EXOC6B: variants seen among roughly 807,000 people sequenced by gnomAD.
EXOC6B encodes the protein exocyst complex component 6B.
A neutral mutation model predicts 113.5 loss-of-function variants in EXOC6B; 54 were observed. The observed-to-expected ratio is 0.48, with a 90% confidence interval of 0.38 to 0.60. The LOEUF (loss-of-function observed/expected upper bound fraction) is 0.60. EXOC6B is among the 20% of genes least tolerant of loss of function. EXOC6B has a pLI of 0.00. For synonymous variants in EXOC6B, 357 were observed against 339.0 expected (o/e 1.05, Z -0.58); for missense variants, 797 against 977.5 (o/e 0.82, Z 2.46).
intron 19 of EXOC6B, among the ~76,000 whole-genome samples, chr2:72,369,314 G>C (rs1296459650): frequency 6.6e-6 from 1 of 152,092 alleles, no homozygotes; most frequent in Non-Finnish European, 1.5e-5. Flanking sequence ...GGGATGTGAA[G>C]GACCTCTTCA....
chr2:72,802,965 A>G (rs977165591), intron 1 of EXOC6B, among the ~76,000 whole-genome samples: 1 of 152,200 alleles, frequency 6.6e-6, no homozygotes, highest in Non-Finnish European at 1.5e-5. Context: ...CTCCGGTTTG[A>G]AAAACACTTC....
At chr2:72,552,484 T>C (rs984500490) in intron 8 of EXOC6B, among the ~76,000 whole-genome samples, 78 of 151,992 alleles carry the variant, frequency 5.1e-4, no homozygotes, top group African/African-American at 1.6e-3. Flanking sequence ...TTTCATAAAA[T>C]AGAAAAAAGG....
At chr2:72,811,737 T>C (rs1006970687) in intron 1 of EXOC6B, among the ~76,000 whole-genome samples, 9 of 152,192 alleles carry the variant, frequency 5.9e-5, no homozygotes, top group African/African-American at 2.2e-4. Context: ...GTAGGGTTTA[T>C]TCCAAAGAGG....
intron 1 of EXOC6B, among the ~76,000 whole-genome samples, chr2:72,821,092 A>C (rs1686556377): frequency 6.6e-6 from 1 of 152,164 alleles, no homozygotes. Flanking sequence ...AGTATTACAA[A>C]TCATATATCT....
At chr2:72,768,583 G>A (rs1683237193) in intron 1 of EXOC6B, among the ~76,000 whole-genome samples, 1 of 150,788 alleles carries the variant, frequency 6.6e-6, no homozygotes, top group Non-Finnish European at 1.5e-5. Context: ...GGGATTAGAG[G>A]CGTGAGACAC....
Position 72,502,337 on chromosome 2 carries a change from C to G in EXOC6B, c.1168-2365G>C, listed in dbSNP as rs185809178. Among the ~76,000 whole-genome samples the G allele has an allele frequency of 2.9e-3, 435 of 152,246 alleles. 2 individuals carry two copies. Among genetic ancestry groups the G allele is most frequent in the African/African-American group, 0.01 (423 of 41,546 alleles). On this transcript the variant is annotated intron_variant, in intron 11 of 21. Coordinates refer to ENST00000272427, the MANE Select transcript of EXOC6B (RefSeq NM_015189.3). Reference sequence around the variant, plus strand: ...CCAAGGCCAGCAGATCACCTGAGGTCAGAAACTCTGGGCCAGCCTGGCCAT... The same window carrying G: ...CCAAGGCCAGCAGATCACCTGAGGTGAGAAACTCTGGGCCAGCCTGGCCAT...
chr2:72,350,685 A>C (rs1689602023), intron 19 of EXOC6B, among the ~76,000 whole-genome samples: 1 of 152,216 alleles, frequency 6.6e-6, no homozygotes, highest in Admixed American at 6.5e-5. Flanking sequence ...ATTTGACTTC[A>C]GACACAACAG....
At chr2:72,272,262 G>C (rs1290928714) in intron 20 of EXOC6B, among the ~76,000 whole-genome samples, 2 of 152,114 alleles carry the variant, frequency 1.3e-5, no homozygotes, top group Non-Finnish European at 2.9e-5. Context: ...TTTCTAATTT[G>C]CAAAGATGTA....
rs149193701 is a variant in EXOC6B, at chr2:72,657,764, A to G, written c.669+60339T>C. On this transcript the variant is annotated intron_variant, in intron 6 of 21. Transcript: ENST00000272427. Reference sequence around the variant, plus strand: ...TTAGAGAATCTACCATAAGAAATTCACATAAGAGAAAAATAAAGCACTCGA... The same window carrying G: ...TTAGAGAATCTACCATAAGAAATTCGCATAAGAGAAAAATAAAGCACTCGA... Among the ~76,000 whole-genome samples the G allele has an allele frequency of 9.9e-3, 1,491 of 150,354 alleles. 38 individuals carry two copies. Among genetic ancestry groups the G allele is most frequent in the African/African-American group, 0.035 (1,438 of 41,140 alleles).
chr2:72,789,270 T>C (rs570804300), intron 1 of EXOC6B, among the ~76,000 whole-genome samples: 3 of 152,232 alleles, frequency 2.0e-5, no homozygotes, highest in East Asian at 3.8e-4. Flanking sequence ...TTGCCAATCA[T>C]TATGATCAAA....
intron 1 of EXOC6B, among the ~76,000 whole-genome samples, chr2:72,782,126 C>A (rs1200498102): frequency 1.4e-5 from 2 of 141,736 alleles, no homozygotes; most frequent in Admixed American, 1.5e-4. Context: ...GGCAACAGAG[C>A]GAGACTCACT....
intron 20 of EXOC6B, among the ~76,000 whole-genome samples, chr2:72,206,358 C>T (rs1679839277): frequency 6.6e-6 from 1 of 152,104 alleles, no homozygotes. Context: ...ATAAAGTGTC[C>T]TCCTCCTTTT....
At chr2:72,200,389 T>C (rs1358101847) in intron 20 of EXOC6B, among the ~76,000 whole-genome samples, 1 of 152,202 alleles carries the variant, frequency 6.6e-6, no homozygotes, top group East Asian at 1.9e-4. Flanking sequence ...TATTTATTTA[T>C]TTTTGGTAGA....
chr2:72,550,367 G>T (rs6742312), intron 8 of EXOC6B, among the ~76,000 whole-genome samples: 1 of 152,034 alleles, frequency 6.6e-6, no homozygotes, highest in Non-Finnish European at 1.5e-5. Flanking sequence ...ACATGCTTTG[G>T]TCCTTCCTTT....
chr2:72,689,631 T>C (rs1677340166), intron 6 of EXOC6B, among the ~76,000 whole-genome samples: 2 of 152,180 alleles, frequency 1.3e-5, no homozygotes, highest in African/African-American at 2.4e-5. Flanking sequence ...TCGGGCCCTG[T>C]GGCAAACTCC....
chr2:72,421,090 T>C (rs1303475392), intron 18 of EXOC6B, among the ~76,000 whole-genome samples: 1 of 152,214 alleles, frequency 6.6e-6, no homozygotes, highest in African/African-American at 2.4e-5. Flanking sequence ...AGTTGTTTAT[T>C]TTTTTCTTGT....
chr2:72,568,959 CAA>C (rs1245621112), intron 7 of EXOC6B, among the ~76,000 whole-genome samples: 1 of 135,424 alleles, frequency 7.4e-6, no homozygotes, highest in African/African-American at 3.2e-5. Context: ...ACTATCACCA[CAA>C]AAAAAAAAAA....
chr2:72,228,745 T>C (rs1681420617), intron 20 of EXOC6B, among the ~76,000 whole-genome samples: 1 of 152,184 alleles, frequency 6.6e-6, no homozygotes. Context: ...TGTGTCTTTA[T>C]AGCAGCATGA....
intron 20 of EXOC6B, among the ~76,000 whole-genome samples, chr2:72,215,624 A>G (rs1257118031): frequency 6.6e-6 from 1 of 152,162 alleles, no homozygotes; most frequent in East Asian, 1.9e-4. Context: ...ATGGGTGCCA[A>G]GCAAGCTGAA....
Sources: gnomAD v4.1 joint callset for allele counts (sites outside exome capture counted in the v4.1 genomes callset) on GRCh38, gnomAD v4.1.1 for gene constraint, MANE v1.5 for transcripts, NCBI Gene and HGNC (gene_info 2026-07-23, HGNC 2026-07-21) for gene names.